CDCA7L: variants seen among roughly 807,000 people sequenced by gnomAD.
CDCA7L encodes the protein cell division cycle-associated 7-like protein.
In CDCA7L, 44 loss-of-function variants were observed where a neutral mutation model predicts 57.4. That is an observed-to-expected ratio of 0.77 (90% CI 0.60 to 0.98). CDCA7L has a LOEUF of 0.98. Ranked by LOEUF, CDCA7L falls within the 50% of genes least tolerant of loss-of-function variation. The pLI, the probability that CDCA7L is intolerant of heterozygous loss-of-function variation, is 0.00. For synonymous variants in CDCA7L, 236 were observed against 202.8 expected, an observed-to-expected ratio of 1.16 and a Z score of -1.39; for missense variants, 644 against 580.6, an observed-to-expected ratio of 1.11 and a Z score of -1.12.
chr7:21,916,194 G>C (rs1016457977), intron 2 of CDCA7L, among the ~76,000 whole-genome samples: 1 of 152,152 alleles, frequency 6.6e-6, no homozygotes, highest in Non-Finnish European at 1.5e-5. Context: ...CCACTGAAGG[G>C]TAGAGATTTT....
intron 6 of CDCA7L, among the ~76,000 whole-genome samples, chr7:21,906,038 C>A (rs1583842235): frequency 6.6e-6 from 1 of 152,296 alleles, no homozygotes; most frequent in East Asian, 1.9e-4. Flanking sequence ...AGGGTCCTAA[C>A]AAATGAGCTG....
chr7:21,938,183 A>G (rs1315624787), intron 1 of CDCA7L, among the ~76,000 whole-genome samples: 1 of 152,230 alleles, frequency 6.6e-6, no homozygotes, highest in African/African-American at 2.4e-5. Context: ...TATCCAAGAT[A>G]TATAAATAAC....
At chr7:21,940,707 G>C (rs1215107140) in intron 1 of CDCA7L, among the ~76,000 whole-genome samples, 1 of 152,228 alleles carries the variant, frequency 6.6e-6, no homozygotes, top group Non-Finnish European at 1.5e-5. Flanking sequence ...ATGCACAGGT[G>C]GAAGCATGAA....
At chr7:21,904,049 A>AT in intron 8 of CDCA7L, 61 bp downstream of exon 8, 1 of 1,475,152 alleles carries the variant, frequency 6.8e-7, no homozygotes, top group East Asian at 2.4e-5. Flanking sequence ...CAGGAGGCCC[A>AT]TCTTTATAGC....
chr7:21,917,975 T>G (rs1785538389), intron 1 of CDCA7L, among the ~76,000 whole-genome samples: 1 of 76,954 alleles, frequency 1.3e-5, no homozygotes, highest in South Asian at 4.6e-4. Context: ...ACACTGTTTT[T>G]TGTTGTTTTT....
Position 21,908,479 on chromosome 7 carries a change from C to G in CDCA7L, c.332G>C (p.Gly111Ala), listed in dbSNP as rs745803542. ...MVVESDLSDD[G>A]KASLVSEEEE... ...TTCCTCGCTCACCAAAGATGCTTTG[C>G]CATCATCACTCAAATCTGACTCCAC... is the stretch of plus-strand genomic sequence containing the variant. Residue 111 changes from glycine to alanine, a missense_variant, in exon 4 of 10, where the codon GGC (glycine) becomes GCC (alanine). Gly to Ala is a moderately conservative substitution (Grantham distance 60). Transcript: ENST00000406877. The G allele has an allele frequency of 4.5e-6, 7 of 1,540,070 alleles. No homozygotes were observed. The highest frequency in any genetic ancestry group is 2.3e-5 in the Admixed American group (1 of 44,374).
chr7:21,921,059 T>C (rs538395005), intron 1 of CDCA7L, among the ~76,000 whole-genome samples: 1 of 152,280 alleles, frequency 6.6e-6, no homozygotes, highest in African/African-American at 2.4e-5. Flanking sequence ...GGGTTGGTGA[T>C]AGGAATAAAC....
Position 21,907,657 on chromosome 7 carries a change from C to G in CDCA7L, c.681+473G>C, listed in dbSNP as rs370267856. On this transcript the variant is annotated intron_variant, in intron 4 of 9. Coordinates refer to ENST00000406877, the MANE Select transcript of CDCA7L (RefSeq NM_018719.5). ...TGTTGAGGTTGTTTTAATTCCTAGA[C>G]CTCTTCCATTCCTTCAGAAGTCTCA... Among the ~76,000 whole-genome samples, 11 of 152,242 alleles carry G rather than the reference C, an allele frequency of 7.2e-5. No individual in the cohort carries two copies. In the South Asian group the frequency reaches 1.5e-3, roughly 20 times the overall value.
At chr7:21,910,099 G>T (rs1439380330) in intron 3 of CDCA7L, among the ~76,000 whole-genome samples, 1 of 152,184 alleles carries the variant, frequency 6.6e-6, no homozygotes, top group Non-Finnish European at 1.5e-5. Flanking sequence ...CCATAGACTT[G>T]GGGGCAGGTG....
At chr7:21,926,769 A>G (rs1287704779) in intron 1 of CDCA7L, among the ~76,000 whole-genome samples, 1 of 152,120 alleles carries the variant, frequency 6.6e-6, no homozygotes, top group Non-Finnish European at 1.5e-5. Context: ...GCTACTTGGG[A>G]GCCTGAGGCA....
chr7:21,908,453 C>T lies in CDCA7L; in HGVS notation c.358G>A (p.Glu120Lys), dbSNP rs369568135. Reference sequence around the variant, plus strand: ...GCCTTATCTTCTTCTTCATCTTCCTCTTCCTCGCTCACCAAAGATGCTTTG... The same window carrying T: ...GCCTTATCTTCTTCTTCATCTTCCTTTTCCTCGCTCACCAAAGATGCTTTG... ...DGKASLVSEE[E>K]EDEEEDKATP... The change falls in exon 4 of 10, where the codon GAG becomes AAG. Residue 120 changes from glutamate (E) to lysine (K), a missense_variant. Glu to Lys is a moderately conservative substitution (Grantham distance 56, BLOSUM62 1). Coordinates refer to ENST00000406877, the MANE Select transcript of CDCA7L (RefSeq NM_018719.5). 1.9e-6 allele frequency: 3 copies of T among 1,562,110 alleles called. No homozygotes were observed. Among genetic ancestry groups the T allele is most frequent in the African/African-American group, 2.8e-5 (2 of 72,224 alleles).
At chr7:21,945,153 C>G (rs569279476) in intron 1 of CDCA7L, among the ~76,000 whole-genome samples, 3 of 152,138 alleles carry the variant, frequency 2.0e-5, no homozygotes, top group South Asian at 2.1e-4. Flanking sequence ...GTTTTAAAGA[C>G]GAGTTAGGCC....
At position 21,901,986 on chromosome 7, in the gene CDCA7L, C is replaced by T. The variant is rs1325063015; in HGVS notation, c.*336G>A. 1.3e-5 allele frequency: 4 copies of T among 314,464 alleles called. No homozygotes were observed. The highest frequency in any genetic ancestry group is 2.1e-5 in the African/African-American group (1 of 46,898). 19.5% of individuals were successfully genotyped at this position (314,464 alleles called of 1,614,324 possible). A position where few individuals can be genotyped will look rare whatever the true frequency, so the allele number is the denominator to read the frequency against. On this transcript the variant is annotated 3_prime_UTR_variant, in exon 10 of 10. Coordinates refer to ENST00000406877, the MANE Select transcript of CDCA7L (RefSeq NM_018719.5). ...AAGCCAAAGATAGATAGATCAAGTG[C>T]AGGAGCTGATCATACAATGTTTTCT...
Position 21,901,305 on chromosome 7 carries a change from T to C in CDCA7L, c.*1017A>G. The C allele has an allele frequency of 1.3e-6, 2 of 1,549,298 alleles. No individual in the cohort carries two copies. The highest frequency in any genetic ancestry group is 1.7e-6 in the Non-Finnish European group (2 of 1,149,020). ...CTGCTGGAGTGCAGTGAGGATTTTC[T>C]AGCATGTTGCTGCACTGTTCCCATG... On this transcript the variant is annotated 3_prime_UTR_variant, in exon 10 of 10. Coordinates refer to ENST00000406877, the MANE Select transcript of CDCA7L (RefSeq NM_018719.5).
At chr7:21,914,218 A>C (rs1403147460) in intron 2 of CDCA7L, among the ~76,000 whole-genome samples, 1 of 152,178 alleles carries the variant, frequency 6.6e-6, no homozygotes, top group African/African-American at 2.4e-5. Flanking sequence ...CCAGCAAACA[A>C]CACCCCCCGT....
intron 1 of CDCA7L, among the ~76,000 whole-genome samples, chr7:21,939,641 T>C (rs886314740): frequency 4.6e-5 from 7 of 152,200 alleles, no homozygotes; most frequent in African/African-American, 1.4e-4. Flanking sequence ...CTGTTCTCAG[T>C]GTTTTCCAAC....
At chr7:21,944,196 T>A (rs1056212235) in intron 1 of CDCA7L, among the ~76,000 whole-genome samples, 2 of 151,220 alleles carry the variant, frequency 1.3e-5, no homozygotes, top group Non-Finnish European at 2.9e-5. Context: ...CCCAGCACTT[T>A]GGGAGGCCGA....
At chr7:21,921,164 C>T (rs1211648741) in intron 1 of CDCA7L, among the ~76,000 whole-genome samples, 1 of 152,096 alleles carries the variant, frequency 6.6e-6, no homozygotes, top group Non-Finnish European at 1.5e-5. Context: ...CCTCCTTCTG[C>T]ATCTTTGACT....
chr7:21,904,635 C>T (rs1237094221), intron 7 of CDCA7L, among the ~76,000 whole-genome samples: 1 of 152,140 alleles, frequency 6.6e-6, no homozygotes, highest in African/African-American at 2.4e-5. Context: ...GAATCTAATG[C>T]CCGATGATCT....
Sources: allele counts gnomAD v4.1 joint callset (sites outside exome capture counted in the v4.1 genomes callset), GRCh38; gene constraint gnomAD v4.1.1; transcripts MANE v1.5; gene names NCBI Gene and HGNC (gene_info 2026-07-23, HGNC 2026-07-21).